Variants in MYO16 observed in about 807,000 individuals in gnomAD.
MYO16 encodes myosin XVI, also known as unconventional myosin-XVI.
A neutral mutation model predicts 205.3 loss-of-function variants in MYO16; 94 were observed. The ratio of observed to expected loss-of-function variants is 0.46; its 90% CI spans 0.39 to 0.54. The LOEUF (loss-of-function observed/expected upper bound fraction) is 0.54, where lower values mean the gene tolerates loss of function less well. Among genes scored for constraint, MYO16 ranks in the 20% least tolerant of loss-of-function variants. The probability of loss-of-function intolerance (pLI) is 0.00; values close to 1 mark genes in which losing one functional copy is unlikely to be tolerated. For synonymous variants in MYO16, 988 were observed against 954.0 expected, an observed-to-expected ratio of 1.04 and a Z score of -0.66; for missense variants, 2,315 against 2,387.5, an observed-to-expected ratio of 0.97 and a Z score of 0.63.
At chr13:108,531,516 G>T in the MYO16 span, among the ~76,000 whole-genome samples, 4 of 152,282 alleles carry the variant, frequency 2.6e-5, no homozygotes, top group South Asian at 8.3e-4. Context: ...AGGAAGATAG[G>T]AAGGAGGATG....
intron 28 of MYO16, among the ~76,000 whole-genome samples, chr13:109,112,755 T>C (rs1474053974): frequency 6.6e-6 from 1 of 151,982 alleles, no homozygotes; most frequent in African/African-American, 2.4e-5. Context: ...AAAAAAAAAA[T>C]AATTTTTGTA....
intron 4 of MYO16, among the ~76,000 whole-genome samples, chr13:108,742,008 T>C (rs531948106): frequency 6.6e-6 from 1 of 152,280 alleles, no homozygotes; most frequent in East Asian, 1.9e-4. Context: ...GTCTGTTTGT[T>C]TTTGAGACAG....
chr13:108,849,643 G>C, intron 10 of MYO16, among the ~76,000 whole-genome samples: 1 of 145,152 alleles, frequency 6.9e-6, no homozygotes, highest in East Asian at 2.1e-4. Flanking sequence ...GTGTGTGTGT[G>C]TGTGTGTGTG....
intron 4 of MYO16, among the ~76,000 whole-genome samples, chr13:108,784,257 TTAAAA>T (rs1169800083): frequency 1.3e-5 from 2 of 152,066 alleles, no homozygotes; most frequent in African/African-American, 4.8e-5. Flanking sequence ...CTCTGAATAA[TTAAAA>T]TAAAACTAAA....
chr13:108,620,044 C>A (rs890025687), intron 1 of MYO16, among the ~76,000 whole-genome samples: 1 of 152,098 alleles, frequency 6.6e-6, no homozygotes, highest in African/African-American at 2.4e-5. Context: ...TCCTTTATGG[C>A]TGAATGATCT....
intron 1 of MYO16, among the ~76,000 whole-genome samples, chr13:108,639,870 G>A (rs77238683): frequency 0.021 from 3,245 of 152,260 alleles, 125 homozygotes; most frequent in East Asian, 0.18. Flanking sequence ...GGACGACTTC[G>A]GCATTGTGGA....
At chr13:108,618,379 C>T (rs1036080287) in intron 1 of MYO16, among the ~76,000 whole-genome samples, 33 of 152,162 alleles carry the variant, frequency 2.2e-4, no homozygotes, top group African/African-American at 7.7e-4. Context: ...ACACCTCCTG[C>T]AAGGCATTGT....
chr13:108,778,954 A>G (rs1272847265), intron 4 of MYO16, among the ~76,000 whole-genome samples: 1 of 152,094 alleles, frequency 6.6e-6, no homozygotes, highest in Non-Finnish European at 1.5e-5. Flanking sequence ...CTTCCACTGC[A>G]CTCGTGGGGG....
intron 5 of MYO16, among the ~76,000 whole-genome samples, chr13:108,786,475 C>G (rs1324859585): frequency 6.6e-6 from 1 of 152,106 alleles, no homozygotes; most frequent in Non-Finnish European, 1.5e-5. Flanking sequence ...AATTCCAATC[C>G]CTTCAAAATG....
chr13:109,091,350 T>C (rs1230919941), intron 27 of MYO16, among the ~76,000 whole-genome samples: 1 of 152,258 alleles, frequency 6.6e-6, no homozygotes, highest in Admixed American at 6.5e-5. Flanking sequence ...TGTGTATTTC[T>C]ACAAATGTTG....
intron 15 of MYO16, among the ~76,000 whole-genome samples, chr13:108,907,969 GT>G (rs1277644904): frequency 6.6e-6 from 1 of 151,788 alleles, no homozygotes; most frequent in Non-Finnish European, 1.5e-5. Flanking sequence ...ATGTCTTTAG[GT>G]TTTTAAAAAA....
At chr13:108,640,564 A>G in intron 1 of MYO16, among the ~76,000 whole-genome samples, 1 of 152,212 alleles carries the variant, frequency 6.6e-6, no homozygotes, top group Non-Finnish European at 1.5e-5. Context: ...CAGCAAAAGT[A>G]GGTCACATGT....
At chr13:109,064,040 A>C (rs1434924256) in intron 27 of MYO16, among the ~76,000 whole-genome samples, 1 of 152,198 alleles carries the variant, frequency 6.6e-6, no homozygotes, top group Non-Finnish European at 1.5e-5. Flanking sequence ...CCATGTATGT[A>C]TTCATTTCAA....
chr13:108,918,443 C>G (rs548409781), intron 16 of MYO16, among the ~76,000 whole-genome samples: 1 of 152,332 alleles, frequency 6.6e-6, no homozygotes, highest in East Asian at 1.9e-4. Flanking sequence ...GAGACTGTTA[C>G]TAATATTGTC....
the MYO16 span, among the ~76,000 whole-genome samples, chr13:108,551,227 C>A: frequency 1.3e-5 from 2 of 152,278 alleles, no homozygotes; most frequent in Non-Finnish European, 1.5e-5. Flanking sequence ...TACCTAGTAA[C>A]TTCCTTATTT....
chr13:109,084,357 T>TGACA (rs10623729), intron 27 of MYO16, among the ~76,000 whole-genome samples: 83,132 of 151,654 alleles, frequency 0.55, 23,138 homozygotes, highest in Non-Finnish European at 0.6. Flanking sequence ...AGCAGGTTGA[T>TGACA]GACTTGATGA....
At chr13:108,782,313 A>G (rs570082722) in intron 4 of MYO16, among the ~76,000 whole-genome samples, 1 of 152,294 alleles carries the variant, frequency 6.6e-6, no homozygotes, top group East Asian at 1.9e-4. Context: ...GACTGGTGGC[A>G]TTTTGCCCCT....
the MYO16 span, among the ~76,000 whole-genome samples, chr13:108,563,594 T>A: frequency 6.6e-6 from 1 of 152,202 alleles, no homozygotes; most frequent in Admixed American, 6.5e-5. Context: ...ATTTGATGCT[T>A]GTCTGTCTGT....
the MYO16 span, among the ~76,000 whole-genome samples, chr13:108,562,415 A>G: frequency 6.6e-6 from 1 of 152,198 alleles, no homozygotes; most frequent in Admixed American, 6.5e-5. Context: ...CAGAGAATAT[A>G]AGAAAATGTA....
Sources: gnomAD v4.1 joint callset for allele counts (sites outside exome capture counted in the v4.1 genomes callset) on GRCh38, gnomAD v4.1.1 for gene constraint, MANE v1.5 for transcripts, NCBI Gene and HGNC (gene_info 2026-07-23, HGNC 2026-07-21) for gene names.